GPHN: variants seen among roughly 807,000 people sequenced by gnomAD.
GPHN encodes the protein gephyrin.
Under a neutral mutation model 95.5 loss-of-function variants are expected in GPHN, and 17 were observed. The observed-to-expected ratio is 0.18, with a 90% CI of 0.12 to 0.27. The LOEUF is 0.27. Among genes scored for constraint, GPHN ranks in the 10% least tolerant of loss-of-function variants. GPHN has a pLI of 1.00. For synonymous variants in GPHN, 320 were observed against 322.5 expected (o/e 0.99, Z 0.08); for missense variants, 660 against 978.1 (o/e 0.67, Z 4.34).
intron 1 of GPHN, among the ~76,000 whole-genome samples, chr14:66,656,646 A>G (rs779088946): frequency 6.6e-5 from 10 of 152,186 alleles, no homozygotes; most frequent in Non-Finnish European, 1.2e-4. Flanking sequence ...AATATTTTAA[A>G]CTTTTTAATA....
chr14:67,497,469 A>C, the GPHN span, among the ~76,000 whole-genome samples: 1 of 152,120 alleles, frequency 6.6e-6, no homozygotes, highest in Admixed American at 6.5e-5. Context: ...TAGGTGGGGA[A>C]TGCCACAGAT....
At chr14:67,408,330 AAAATAAAATAAAATAAAATAAAAT>A in the GPHN span, among the ~76,000 whole-genome samples, 2 of 145,462 alleles carry the variant, frequency 1.4e-5, no homozygotes, top group South Asian at 2.3e-4. Context: ...AAAATAAAAT[AAAATAAAATAAAATAAAATAAAAT>A]AAAAAAAGAA....
At chr14:66,849,050 A>G (rs1450596617) in intron 4 of GPHN, among the ~76,000 whole-genome samples, 3 of 151,914 alleles carry the variant, frequency 2.0e-5, no homozygotes, top group Non-Finnish European at 4.4e-5. Flanking sequence ...AAGCCTACAA[A>G]ATAGGTAGGT....
At chr14:66,830,627 A>T (rs1050233548) in intron 4 of GPHN, among the ~76,000 whole-genome samples, 1 of 152,120 alleles carries the variant, frequency 6.6e-6, no homozygotes, top group African/African-American at 2.4e-5. Context: ...AAGAGTTCTT[A>T]TAACTGTTTC....
At chr14:66,655,826 A>G (rs72726459) in intron 1 of GPHN, among the ~76,000 whole-genome samples, 5,908 of 152,122 alleles carry the variant, frequency 0.039, 175 homozygotes, top group Middle Eastern at 0.065. Context: ...GAATTTTGTG[A>G]AATGCTTTCC....
chr14:67,338,752 T>G, the GPHN span: 14 of 1,612,194 alleles, frequency 8.7e-6, no homozygotes, highest in African/African-American at 1.7e-4. Context: ...TTCTCTTGTA[T>G]TTTCTTTAAC....
intron 9 of GPHN, among the ~76,000 whole-genome samples, chr14:66,970,244 A>G (rs573126478): frequency 1.3e-5 from 2 of 152,250 alleles, no homozygotes; most frequent in East Asian, 3.8e-4. Context: ...AATGTCTAAT[A>G]CTATATTCAA....
At chr14:67,700,169 A>G in the GPHN span, among the ~76,000 whole-genome samples, 2 of 152,204 alleles carry the variant, frequency 1.3e-5, no homozygotes, top group African/African-American at 2.4e-5. Flanking sequence ...AAATACAGGA[A>G]GAGTGTGTCC....
At chr14:67,331,272 C>T in the GPHN span, among the ~76,000 whole-genome samples, 7 of 152,106 alleles carry the variant, frequency 4.6e-5, no homozygotes, top group Admixed American at 2.6e-4. Context: ...CTCAAGCTCC[C>T]GGCCCCATGT....
the GPHN span, among the ~76,000 whole-genome samples, chr14:67,321,572 GA>G: frequency 6.6e-6 from 1 of 152,168 alleles, no homozygotes; most frequent in Non-Finnish European, 1.5e-5. Context: ...CTATCTTGAG[GA>G]TAGACCCAAG....
At chr14:66,918,949 A>G (rs540992748) in intron 6 of GPHN, among the ~76,000 whole-genome samples, 5 of 152,244 alleles carry the variant, frequency 3.3e-5, no homozygotes, top group Non-Finnish European at 5.9e-5. Flanking sequence ...ATTTTAAGCT[A>G]TTACTTCAAA....
chr14:67,507,757 C>T, the GPHN span, among the ~76,000 whole-genome samples: 1 of 152,274 alleles, frequency 6.6e-6, no homozygotes. Context: ...TAAGACAAGA[C>T]ATAAAGGTTG....
chr14:67,085,645 C>G (rs2076854669), intron 11 of GPHN, among the ~76,000 whole-genome samples: 1 of 152,160 alleles, frequency 6.6e-6, no homozygotes, highest in Non-Finnish European at 1.5e-5. Context: ...ACTGTTGATT[C>G]TTATGGCAAA....
At chr14:67,032,015 A>G (rs755250299) in intron 10 of GPHN, among the ~76,000 whole-genome samples, 1 of 151,784 alleles carries the variant, frequency 6.6e-6, no homozygotes, top group Non-Finnish European at 1.5e-5. Flanking sequence ...CTTCATGAAA[A>G]CTCCAGAAAA....
the GPHN span, among the ~76,000 whole-genome samples, chr14:67,718,981 A>G: frequency 6.6e-6 from 1 of 152,348 alleles, no homozygotes; most frequent in African/African-American, 2.4e-5. Flanking sequence ...ATAAAAGTTT[A>G]TTGGAAGCCA....
intron 11 of GPHN, among the ~76,000 whole-genome samples, chr14:67,081,151 G>T (rs1380239323): frequency 6.6e-6 from 1 of 152,170 alleles, no homozygotes; most frequent in Admixed American, 6.5e-5. Flanking sequence ...GGATCAAGTG[G>T]TAGTTCTACT....
chr14:66,605,139 G>A (rs981270560), intron 1 of GPHN, among the ~76,000 whole-genome samples: 8 of 152,004 alleles, frequency 5.3e-5, no homozygotes, highest in Admixed American at 3.3e-4. Context: ...CTTTGCGATC[G>A]TGAATAGTGA....
At chr14:67,240,248 C>T in the GPHN span, among the ~76,000 whole-genome samples, 1 of 152,192 alleles carries the variant, frequency 6.6e-6, no homozygotes, top group Non-Finnish European at 1.5e-5. Context: ...CGGTTTGCTT[C>T]GTTCAGGCCA....
In GPHN at chr14:66,803,733, T is replaced by C. The variant is rs1053559387; in HGVS notation, c.202-20741T>C. On this transcript the variant is annotated intron_variant, in intron 3 of 22. Coordinates refer to ENST00000478722, the MANE Select transcript of GPHN (RefSeq NM_020806.5). Reference sequence around the variant, plus strand: ...CTTTCTCTGCATCAGTTTGTGGAGGTTTTTTTATTGTTGTTGATCTGTCTT... The same window carrying C: ...CTTTCTCTGCATCAGTTTGTGGAGGCTTTTTTATTGTTGTTGATCTGTCTT... Among the ~76,000 whole-genome samples, 3 of 152,100 alleles carry C rather than the reference T, an allele frequency of 2.0e-5. No homozygotes were observed. The East Asian group carries it at 5.8e-4, about 29-fold the overall frequency.
Sources: gnomAD v4.1 joint callset for allele counts (sites outside exome capture counted in the v4.1 genomes callset) on GRCh38, gnomAD v4.1.1 for gene constraint, MANE v1.5 for transcripts, NCBI Gene and HGNC (gene_info 2026-07-23, HGNC 2026-07-21) for gene names.